The following GPSM2 variants were observed in gnomAD, a reference collection of about 807,000 sequenced individuals.
The protein encoded by GPSM2 is G protein-signaling modulator 2.
In GPSM2, 58 loss-of-function variants were observed where a neutral mutation model predicts 78.4. The ratio of observed to expected loss-of-function variants is 0.74; its 90% CI spans 0.60 to 0.92. GPSM2 has a LOEUF of 0.92. Among genes scored for constraint, GPSM2 ranks in the 40% least tolerant of loss-of-function variants. The probability of loss-of-function intolerance (pLI) is 0.00; values close to 1 mark genes in which losing one functional copy is unlikely to be tolerated. For synonymous variants in GPSM2, 224 were observed against 280.2 expected, an observed-to-expected ratio of 0.80 and a Z score of 2.00; for missense variants, 700 against 815.5, an observed-to-expected ratio of 0.86 and a Z score of 1.73.
chr1:108,922,260 TA>T (rs1385833976), intron 12 of GPSM2, among the ~76,000 whole-genome samples, 156 bp from the exon 13 acceptor site: 3 of 152,236 alleles, frequency 2.0e-5, no homozygotes, highest in Non-Finnish European at 2.9e-5. Flanking sequence ...AATAACATTT[TA>T]TTACCAATAT....
At chr1:108,886,892 GTTTTTTT>G (rs572236285) in intron 2 of GPSM2, among the ~76,000 whole-genome samples, 2 of 142,202 alleles carry the variant, frequency 1.4e-5, no homozygotes, top group Non-Finnish European at 3.1e-5. Context: ...TTGTGTTTTT[GTTTTTTT>G]TTTTTTGGAG....
chr1:108,918,613 G>A lies in GPSM2; in HGVS notation c.1264G>A (p.Val422Ile). 2 of 1,610,304 alleles carry A rather than the reference G, an allele frequency of 1.2e-6. No homozygotes were observed. The highest frequency in any genetic ancestry group is 1.3e-5 in the African/African-American group (1 of 74,920). ...CTGCCTTCCATTTATAATTTTGTAG[G>A]TACAGAACTGGAACAGTGAAATTCT... is the stretch of plus-strand genomic sequence containing the variant. ...MELMKLTPEK[V>I]QNWNSEILAK... The change falls in exon 12 of 15, where the codon GTA becomes ATA. Residue 422 changes from valine (V) to isoleucine (I), a missense_variant and splice_region_variant. Transcript: ENST00000264126.
chr1:108,904,804 G>T (rs1348859438), intron 10 of GPSM2, among the ~76,000 whole-genome samples: 1 of 151,118 alleles, frequency 6.6e-6, no homozygotes, highest in Non-Finnish European at 1.5e-5. Flanking sequence ...TTCCTTAGGT[G>T]CCGATTTGTT....
At chr1:108,903,358 TCTTGGCATAAGAA>T (rs1264563637) in intron 9 of GPSM2, 124 bp downstream of exon 9, 3 of 658,034 alleles carry the variant, frequency 4.6e-6, no homozygotes, top group Non-Finnish European at 8.2e-6. Flanking sequence ...TATATCATTC[TCTTGGCATAAGAA>T]CCCCAGAAAG....
intron 13 of GPSM2, 40 bp downstream of exon 13, chr1:108,922,616 CTT>C (rs780789588): frequency 1.4e-6 from 2 of 1,464,998 alleles, no homozygotes; most frequent in Admixed American, 1.7e-5. Context: ...TAATAGTTCT[CTT>C]TGATATTCTT....
intron 14 of GPSM2, 191 bp from the exon 15 acceptor site, chr1:108,929,510 G>T: frequency 1.6e-6 from 1 of 623,110 alleles, no homozygotes; most frequent in Non-Finnish European, 2.8e-6. Context: ...TGCAGTTTCA[G>T]GTTTAAAGAT....
At chr1:108,900,952 TTTAAA>T (rs1648760499) in intron 7 of GPSM2, among the ~76,000 whole-genome samples, 1 of 152,234 alleles carries the variant, frequency 6.6e-6, no homozygotes. Context: ...GGGAGGGTCA[TTTAAA>T]TTACTGAATC....
intron 1 of GPSM2, among the ~76,000 whole-genome samples, chr1:108,884,854 G>A (rs892160281): frequency 1.3e-5 from 2 of 152,146 alleles, no homozygotes; most frequent in Non-Finnish European, 2.9e-5. Context: ...AACTATAACC[G>A]AAGTATCAGT....
At chr1:108,910,351 C>A (rs1179277241) in intron 10 of GPSM2, among the ~76,000 whole-genome samples, 1 of 152,024 alleles carries the variant, frequency 6.6e-6, no homozygotes, top group Admixed American at 6.6e-5. Context: ...GGTAAACCAG[C>A]CACTTAAGAA....
intron 4 of GPSM2, 91 bp from the exon 5 acceptor site, chr1:108,897,868 C>A: frequency 7.3e-7 from 1 of 1,371,698 alleles, no homozygotes; most frequent in Non-Finnish European, 1.0e-6. Context: ...AATTTTTTTC[C>A]CTTGTCCGTA....
chr1:108,880,439 CAAA>C (rs1403721375), intron 1 of GPSM2, among the ~76,000 whole-genome samples: 2 of 152,076 alleles, frequency 1.3e-5, no homozygotes, highest in Middle Eastern at 3.2e-3. Flanking sequence ...GATAAAAATA[CAAA>C]AATTAGCCAG....
chr1:108,883,249 C>T lies in GPSM2; in HGVS notation c.-248-2026C>T, dbSNP rs370519853. 2.8e-4 allele frequency among the ~76,000 whole-genome samples: 42 copies of T among 152,322 alleles called. No individual in the cohort carries two copies. In the South Asian group the frequency reaches 8.3e-3, roughly 30 times the overall value. Reference sequence around the variant, plus strand: ...TGTTTCTTTCTACCTTCCCTCCTTTCACCTTCTGCTCTGTTCCCTATTAAC... The same window carrying T: ...TGTTTCTTTCTACCTTCCCTCCTTTTACCTTCTGCTCTGTTCCCTATTAAC... On this transcript the variant is annotated intron_variant, in intron 1 of 14. Coordinates refer to ENST00000264126, the MANE Select transcript of GPSM2 (RefSeq NM_013296.5).
chr1:108,900,110 AAAG>A (rs762709305), intron 7 of GPSM2, among the ~76,000 whole-genome samples: 25 of 152,202 alleles, frequency 1.6e-4, no homozygotes, highest in Non-Finnish European at 3.2e-4. Flanking sequence ...CTATTTGACT[AAAG>A]AAGCATGAAT....
At chr1:108,894,153 C>G (rs1292774297) in intron 2 of GPSM2, among the ~76,000 whole-genome samples, 1 of 151,942 alleles carries the variant, frequency 6.6e-6, no homozygotes, top group Non-Finnish European at 1.5e-5. Context: ...TCAATTTTTT[C>G]TTTTATGAAA....
intron 8 of GPSM2, among the ~76,000 whole-genome samples, chr1:108,902,337 C>T (rs764020882): frequency 4.0e-5 from 6 of 150,842 alleles, no homozygotes; most frequent in Middle Eastern, 3.4e-3. Context: ...GCTGAGATCA[C>T]GCCACTGCGC....
chr1:108,885,640 T>G, intron 2 of GPSM2, 62 bp downstream of exon 2: 1 of 947,862 alleles, frequency 1.1e-6, no homozygotes, highest in Non-Finnish European at 1.7e-6. Flanking sequence ...TTTTTAACTC[T>G]GATGACCATT....
At chr1:108,900,142 G>GT (rs900773276) in intron 7 of GPSM2, among the ~76,000 whole-genome samples, 10 of 151,006 alleles carry the variant, frequency 6.6e-5, no homozygotes, top group African/African-American at 2.4e-4. Flanking sequence ...ATGAAACTTA[G>GT]TTTTTTTCCT....
intron 10 of GPSM2, among the ~76,000 whole-genome samples, chr1:108,906,742 G>A (rs1180867501): frequency 6.6e-6 from 1 of 152,074 alleles, no homozygotes; most frequent in Non-Finnish European, 1.5e-5. Context: ...GCCAGGCACA[G>A]GGGCACAGAC....
chr1:108,914,783 T>C (rs113642345), intron 11 of GPSM2, among the ~76,000 whole-genome samples: 18 of 152,332 alleles, frequency 1.2e-4, no homozygotes, highest in African/African-American at 4.3e-4. Context: ...TTTTAATTAA[T>C]AGAAGATCAG....
Sources: allele counts gnomAD v4.1 joint callset (sites outside exome capture counted in the v4.1 genomes callset), GRCh38; gene constraint gnomAD v4.1.1; transcripts MANE v1.5; gene names NCBI Gene and HGNC (gene_info 2026-07-23, HGNC 2026-07-21).